The following NFYC variants were observed in gnomAD, a reference collection of about 807,000 sequenced individuals.
NFYC encodes the protein nuclear transcription factor Y subunit gamma, also known as CAAT box DNA-binding protein subunit C.
NFYC carries 25 observed loss-of-function variants against 53.1 expected under a neutral mutation model. The observed-to-expected ratio is 0.47, with a 90% CI of 0.34 to 0.66. The LOEUF (loss-of-function observed/expected upper bound fraction) is 0.66, where lower values mean the gene tolerates loss of function less well. NFYC is among the 30% of genes least tolerant of loss of function. NFYC has a pLI of 0.01. For missense variants in NFYC, 260 were observed against 422.7 expected (o/e 0.62, Z 3.38); for synonymous variants, 145 against 152.6 (o/e 0.95, Z 0.37).
chr1:40,739,586 A>G (rs1645229742), intron 2 of NFYC, among the ~76,000 whole-genome samples: 1 of 152,152 alleles, frequency 6.6e-6, no homozygotes. Context: ...AAATGTCCCC[A>G]TGGGCAAAAA....
At position 40,758,297 on chromosome 1, in the gene NFYC, CTG is replaced by C; in HGVS notation, c.561+6_561+7del. The C allele has an allele frequency of 3.1e-6, 5 of 1,601,308 alleles. No homozygotes were observed. The highest frequency in any genetic ancestry group is 4.3e-6 in the Non-Finnish European group (5 of 1,172,356). ...TCGCACAGCCTCAGCAGGGCCAGGT[CTG>C]TGAGCTGCTGAGGATGCCCATCCAG... is the stretch of plus-strand genomic sequence containing the variant. On this transcript the variant is annotated splice_donor_5th_base_variant and intron_variant, in intron 6 of 9. Transcript: ENST00000447388.
intron 2 of NFYC, among the ~76,000 whole-genome samples, chr1:40,741,437 G>T (rs979940288): frequency 3.9e-5 from 6 of 152,074 alleles, no homozygotes; most frequent in African/African-American, 1.4e-4. Context: ...TGTAGTAAAT[G>T]CATTTTCAAC....
chr1:40,747,296 G>GT (rs3215944), intron 2 of NFYC, among the ~76,000 whole-genome samples: 10,748 of 149,750 alleles, frequency 0.072, 713 homozygotes, highest in African/African-American at 0.17. Context: ...TGAGAGCACT[G>GT]TTAGAGGCCA....
rs138293390 is a variant in NFYC, at chr1:40,749,581, T to C, written c.186T>C (p.Ser62=). The part of the protein sequence containing the change: ...MKLDEDVKMI[S]AEAPVLFAKA... ...GCCTGTGTCTGTTACAGATGATCAG[T>C]GCAGAAGCGCCTGTACTCTTTGCCA... is the stretch of plus-strand genomic sequence containing the variant. The change falls in exon 4 of 10, where the codon AGT becomes AGC. Residue 62 remains serine, a synonymous_variant. Coordinates refer to ENST00000447388, the MANE Select transcript of NFYC (RefSeq NM_014223.5). 9 of 1,613,908 alleles carry C rather than the reference T, an allele frequency of 5.6e-6. No individual in the cohort carries two copies. In the African/African-American group the frequency reaches 1.1e-4, roughly 19 times the overall value.
At chr1:40,746,608 A>T (rs996572001) in intron 2 of NFYC, among the ~76,000 whole-genome samples, 3 of 152,214 alleles carry the variant, frequency 2.0e-5, no homozygotes, top group African/African-American at 7.2e-5. Context: ...TAGTCCCAGT[A>T]GAGATTTTGC....
chr1:40,728,323 G>A (rs563870581), intron 1 of NFYC, among the ~76,000 whole-genome samples: 2 of 152,222 alleles, frequency 1.3e-5, no homozygotes, highest in East Asian at 2.0e-4. Context: ...TCGGCTGGGC[G>A]CGATGGTTTA....
Position 40,760,025 on chromosome 1 carries a change from A to G in NFYC, c.561+1731A>G, listed in dbSNP as rs1041367348. On this transcript the variant is annotated intron_variant, in intron 6 of 9. Transcript: ENST00000447388. The stretch of plus-strand genomic sequence containing the variant: ...GGCTGGAGTGTAGTAGCACAATCAT[A>G]GCTTACTGCAGCTTCAAACTACTGG... 3.9e-5 allele frequency among the ~76,000 whole-genome samples: 6 copies of G among 152,316 alleles called. 1 individual carries two copies. The highest frequency in any genetic ancestry group is 1.4e-4 in the African/African-American group (6 of 41,570).
chr1:40,696,155 C>G (rs1041992643), intron 1 of NFYC, among the ~76,000 whole-genome samples: 1 of 151,646 alleles, frequency 6.6e-6, no homozygotes, highest in African/African-American at 2.4e-5. Context: ...TCCTGAGTAG[C>G]TGGGATTATA....
intron 1 of NFYC, among the ~76,000 whole-genome samples, chr1:40,699,979 A>G (rs1238831688): frequency 1.3e-5 from 2 of 152,218 alleles, no homozygotes; most frequent in African/African-American, 2.4e-5. Flanking sequence ...TTACTTGGTC[A>G]TGGACCGCTG....
chr1:40,698,348 C>T (rs1019625495), intron 1 of NFYC, among the ~76,000 whole-genome samples: 20 of 148,784 alleles, frequency 1.3e-4, no homozygotes, highest in African/African-American at 5.0e-4. Flanking sequence ...GGTGACAGAA[C>T]GGGATTCCCT....
At chr1:40,714,722 C>CT (rs1219145904) in intron 1 of NFYC, among the ~76,000 whole-genome samples, 1 of 133,752 alleles carries the variant, frequency 7.5e-6, no homozygotes, top group Non-Finnish European at 1.7e-5. Flanking sequence ...TCAAGCAGTC[C>CT]TCCCACCTCA....
intron 5 of NFYC, among the ~76,000 whole-genome samples, chr1:40,755,115 C>T (rs1468285092): frequency 6.6e-6 from 1 of 152,202 alleles, no homozygotes; most frequent in Non-Finnish European, 1.5e-5. Flanking sequence ...CTCTCCAAAA[C>T]CCACCCTTTC....
chr1:40,769,196 A>G (rs1306048267), intron 8 of NFYC, 160 bp from the exon 9 acceptor site: 3 of 694,548 alleles, frequency 4.3e-6, no homozygotes, highest in Non-Finnish European at 5.3e-6. Context: ...CATCAGTGCT[A>G]GATTAGGAGG....
rs556482610 is a variant in NFYC at position 40,757,647 on chromosome 1, A to G, written c.388-474A>G. 5.9e-5 allele frequency among the ~76,000 whole-genome samples: 9 copies of G among 152,246 alleles called. 1 individual carries two copies. The highest frequency in any genetic ancestry group is 2.2e-4 in the African/African-American group (9 of 41,538). On this transcript the variant is annotated intron_variant, in intron 5 of 9. Coordinates refer to ENST00000447388, the MANE Select transcript of NFYC (RefSeq NM_014223.5). Reference sequence around the variant, plus strand: ...TCAGGAAAAGCCCTGTTTCCCATTAACCTGTTCTGTCCCCCTTGAAGTGGT... The same window carrying G: ...TCAGGAAAAGCCCTGTTTCCCATTAGCCTGTTCTGTCCCCCTTGAAGTGGT...
intron 9 of NFYC, among the ~76,000 whole-genome samples, chr1:40,769,772 C>G (rs893895869): frequency 2.6e-5 from 4 of 152,120 alleles, no homozygotes; most frequent in African/African-American, 9.7e-5. Context: ...TTTTTCCCCT[C>G]TAAGCCATGA....
At chr1:40,750,326 T>C (rs1645844285) in intron 4 of NFYC, among the ~76,000 whole-genome samples, 2 of 152,170 alleles carry the variant, frequency 1.3e-5, no homozygotes, top group South Asian at 4.1e-4. Context: ...GGTGGCAGTA[T>C]TTTAACAATG....
intron 7 of NFYC, chr1:40,763,456 C>T (rs1376850467): frequency 4.4e-6 from 2 of 451,824 alleles, no homozygotes; most frequent in South Asian, 3.1e-5. Flanking sequence ...AAGCGATTCT[C>T]CTGCCTCAGC....
At chr1:40,714,017 A>G (rs908251941) in intron 1 of NFYC, among the ~76,000 whole-genome samples, 3 of 152,214 alleles carry the variant, frequency 2.0e-5, no homozygotes, top group Non-Finnish European at 4.4e-5. Context: ...ACCAGCTAGG[A>G]AGCTAATGGT....
chr1:40,732,875 T>C (rs1301282956), intron 1 of NFYC, among the ~76,000 whole-genome samples: 4 of 152,168 alleles, frequency 2.6e-5, no homozygotes, highest in African/African-American at 9.7e-5. Flanking sequence ...CAGTTTCAGG[T>C]AGATTTCTGA....
Sources: gnomAD v4.1 joint callset for allele counts (sites outside exome capture counted in the v4.1 genomes callset) on GRCh38, gnomAD v4.1.1 for gene constraint, MANE v1.5 for transcripts, NCBI Gene and HGNC (gene_info 2026-07-23, HGNC 2026-07-21) for gene names.